QTGAL: variants seen among roughly 807,000 people sequenced by gnomAD.
QTGAL encodes BGnT-like protein 1.
At chr17:82,985,802 G>A in the QTGAL span, among the ~76,000 whole-genome samples, 3 of 152,324 alleles carry the variant, frequency 2.0e-5, no homozygotes, top group East Asian at 5.8e-4. Context: ...GAAGAAGAGA[G>A]GCCTTACGAG....
chr17:83,038,353 A>G, the QTGAL span, among the ~76,000 whole-genome samples: 1 of 152,256 alleles, frequency 6.6e-6, no homozygotes, highest in South Asian at 2.1e-4. Context: ...GAACTTTACA[A>G]CGGATTGTTT....
At chr17:82,991,516 G>A in the QTGAL span, among the ~76,000 whole-genome samples, 1 of 152,282 alleles carries the variant, frequency 6.6e-6, no homozygotes, top group South Asian at 2.1e-4. Flanking sequence ...CCAGCCAAGT[G>A]GAATGCAGAT....
chr17:83,005,474 T>C, the QTGAL span: 4 of 647,760 alleles, frequency 6.2e-6, no homozygotes, highest in Admixed American at 4.3e-5. This position sits in a 1 kb window ranked among gnomAD's most constrained non-coding sequence, Gnocchi z 5.6. Context: ...ACCACAGAGC[T>C]GCCCTGGGCT....
At chr17:83,006,257 G>A in the QTGAL span, 1 of 985,592 alleles carries the variant, frequency 1.0e-6, no homozygotes, top group Non-Finnish European at 1.2e-6. This position sits in a 1 kb window ranked among gnomAD's most constrained non-coding sequence, Gnocchi z 5.8. Flanking sequence ...AGGCATCTGA[G>A]GCCCCTGGAT....
the QTGAL span, among the ~76,000 whole-genome samples, chr17:83,028,701 C>T: frequency 3.3e-5 from 5 of 152,278 alleles, no homozygotes; most frequent in East Asian, 1.9e-4. Context: ...GTACGAACGC[C>T]GGAAAACTGT....
chr17:82,958,389 C>G, the QTGAL span, among the ~76,000 whole-genome samples: 1 of 152,230 alleles, frequency 6.6e-6, no homozygotes, highest in Non-Finnish European at 1.5e-5. Flanking sequence ...CCGTGGGAGT[C>G]TCCTCCGGGG....
the QTGAL span, among the ~76,000 whole-genome samples, chr17:82,991,414 T>G: frequency 6.6e-6 from 1 of 152,220 alleles, no homozygotes; most frequent in African/African-American, 2.4e-5. Flanking sequence ...ACATGGGGTT[T>G]CCGATTTCGC....
chr17:83,021,254 G>A, the QTGAL span, among the ~76,000 whole-genome samples: 1 of 152,112 alleles, frequency 6.6e-6, no homozygotes, highest in Non-Finnish European at 1.5e-5. Context: ...GAATAAGTAA[G>A]ATTGGAATAG....
the QTGAL span, among the ~76,000 whole-genome samples, chr17:83,013,017 G>A: frequency 2.0e-5 from 3 of 152,106 alleles, no homozygotes; most frequent in Non-Finnish European, 2.9e-5. Flanking sequence ...CTGTGGCCCC[G>A]ATTGCCATGG....
the QTGAL span, among the ~76,000 whole-genome samples, chr17:83,046,739 C>T: frequency 0.031 from 4,770 of 152,244 alleles, 261 homozygotes; most frequent in African/African-American, 0.11. Flanking sequence ...CCCAAAGGAT[C>T]TGAAAACCAG....
At chr17:82,943,940 T>G in the QTGAL span, 1 of 152,192 alleles carries the variant, frequency 6.6e-6, no homozygotes, top group Non-Finnish European at 1.5e-5. Context: ...GGAAAAGGCT[T>G]GGCTCCTGTG....
chr17:82,963,712 G>C, the QTGAL span, among the ~76,000 whole-genome samples: 1,795 of 152,268 alleles, frequency 0.012, 29 homozygotes, highest in African/African-American at 0.041. Flanking sequence ...AAGTGCATTA[G>C]TGCTTGGCTA....
At chr17:82,942,823 T>C in the QTGAL span, 646 of 379,540 alleles carry the variant, frequency 1.7e-3, 5 homozygotes, top group African/African-American at 0.013. Flanking sequence ...CAGGCCCCCT[T>C]CTTGCCTGGT....
chr17:83,036,211 C>T, the QTGAL span, among the ~76,000 whole-genome samples: 14 of 152,252 alleles, frequency 9.2e-5, no homozygotes, highest in Admixed American at 8.5e-4. Flanking sequence ...AGAAGGCACC[C>T]TCCAGGGCTG....
the QTGAL span, chr17:82,965,595 C>T: frequency 2.0e-6 from 3 of 1,492,126 alleles, no homozygotes; most frequent in Non-Finnish European, 2.7e-6. Flanking sequence ...AGCCCACACA[C>T]AGAGACAGGG....
chr17:82,946,889 C>T, the QTGAL span: 4 of 1,556,648 alleles, frequency 2.6e-6, no homozygotes, highest in Non-Finnish European at 3.5e-6. Context: ...CTGGGAGCAG[C>T]TGCCATGGGT....
the QTGAL span, among the ~76,000 whole-genome samples, chr17:82,968,370 C>T: frequency 6.6e-6 from 1 of 152,242 alleles, no homozygotes; most frequent in African/African-American, 2.4e-5. Flanking sequence ...CAGGGCAGCA[C>T]AGATGTCTGT....
the QTGAL span, among the ~76,000 whole-genome samples, chr17:83,021,301 T>G: frequency 6.6e-6 from 1 of 151,130 alleles, no homozygotes; most frequent in Admixed American, 6.6e-5. Context: ...TATTCACAGG[T>G]GACATAATCA....
At chr17:83,029,038 G>A in the QTGAL span, among the ~76,000 whole-genome samples, 10 of 152,210 alleles carry the variant, frequency 6.6e-5, no homozygotes, top group Admixed American at 1.3e-4. Flanking sequence ...AGAAGCCCTG[G>A]GGCTCCAAGT....
Sources: gnomAD v4.1 joint callset for allele counts (sites outside exome capture counted in the v4.1 genomes callset) on GRCh38, gnomAD v4.1.1 for gene constraint, Gnocchi (gnomAD v3.1) non-coding constraint, MANE v1.5 for transcripts, NCBI Gene and HGNC (gene_info 2026-07-23, HGNC 2026-07-21) for gene names.